The following ENTPD1 variants were observed in gnomAD, a reference collection of about 807,000 sequenced individuals.
ENTPD1 encodes the protein ATP diphosphohydrolase.
In ENTPD1, 33 loss-of-function variants were observed where a neutral mutation model predicts 57.0. That is an observed-to-expected ratio of 0.58 (90% confidence interval 0.44 to 0.77). The LOEUF (loss-of-function observed/expected upper bound fraction) is 0.77, where lower values mean the gene tolerates loss of function less well. Ranked by LOEUF, ENTPD1 falls within the 30% of genes least tolerant of loss-of-function variation. The pLI, the probability that ENTPD1 is intolerant of heterozygous loss-of-function variation, is 0.00. For synonymous variants in ENTPD1, 202 were observed against 218.8 expected (o/e 0.92, Z 0.68); for missense variants, 501 against 603.4 (o/e 0.83, Z 1.78).
At chr10:95,778,480 G>T (rs2098142906) in intron 1 of ENTPD1, among the ~76,000 whole-genome samples, 1 of 151,346 alleles carries the variant, frequency 6.6e-6, no homozygotes, top group Non-Finnish European at 1.5e-5. Flanking sequence ...ATACCTAAAA[G>T]ATTTTTTTCT....
At chr10:95,716,936 A>C (rs925344704) in intron 1 of ENTPD1, among the ~76,000 whole-genome samples, 7 of 152,178 alleles carry the variant, frequency 4.6e-5, no homozygotes, top group African/African-American at 1.7e-4. Context: ...GTGACCATAG[A>C]GTGGTACTGT....
intron 2 of ENTPD1, chr10:95,833,744 T>C (rs1316050756): frequency 2.6e-5 from 4 of 153,306 alleles, no homozygotes; most frequent in Non-Finnish European, 5.9e-5. Context: ...ATCAAGGTGC[T>C]GGCAGGCTTG....
intron 1 of ENTPD1, among the ~76,000 whole-genome samples, chr10:95,789,345 A>G (rs1044693095): frequency 1.3e-5 from 2 of 152,228 alleles, no homozygotes; most frequent in African/African-American, 4.8e-5. Flanking sequence ...AAAGTCTTAA[A>G]TATGGAAGAT....
At chr10:95,781,212 T>C (rs2098156234) in intron 1 of ENTPD1, among the ~76,000 whole-genome samples, 1 of 152,052 alleles carries the variant, frequency 6.6e-6, no homozygotes, top group African/African-American at 2.4e-5. Context: ...ATTAAAATAA[T>C]TGAACTGAGA....
chr10:95,695,148 C>T, the ENTPD1 span, among the ~76,000 whole-genome samples: 1 of 152,068 alleles, frequency 6.6e-6, no homozygotes, highest in Non-Finnish European at 1.5e-5. Flanking sequence ...AAGTGACCCT[C>T]CCGCCTTGGC....
At chr10:95,725,302 T>G (rs574246928) in intron 1 of ENTPD1, among the ~76,000 whole-genome samples, 1 of 152,324 alleles carries the variant, frequency 6.6e-6, no homozygotes, top group Admixed American at 6.5e-5. Context: ...TCTTGAAATC[T>G]CTGCTAAATC....
upstream of ENTPD1, among the ~76,000 whole-genome samples, chr10:95,707,121 C>A (rs1166777838): frequency 2.1e-4 from 32 of 152,194 alleles, no homozygotes; most frequent in Admixed American, 2.1e-3. Flanking sequence ...CCCGCTTGTT[C>A]CCAACTCCTG....
chr10:95,811,579 G>C (rs1331457904), intron 1 of ENTPD1, among the ~76,000 whole-genome samples: 1 of 152,036 alleles, frequency 6.6e-6, no homozygotes, highest in Non-Finnish European at 1.5e-5. Context: ...GTAGAGATAG[G>C]GTCTCTCCCT....
intron 1 of ENTPD1, among the ~76,000 whole-genome samples, chr10:95,804,882 G>T (rs1159943191): frequency 2.0e-5 from 3 of 152,130 alleles, no homozygotes; most frequent in Admixed American, 2.0e-4. Context: ...AGAGTTTTCA[G>T]CATGAAGGTC....
chr10:95,781,266 G>A (rs942680565), intron 1 of ENTPD1, among the ~76,000 whole-genome samples: 1 of 152,060 alleles, frequency 6.6e-6, no homozygotes, highest in Non-Finnish European at 1.5e-5. Flanking sequence ...GGGTAGTGGG[G>A]GCTGGGTAGA....
intron 1 of ENTPD1, among the ~76,000 whole-genome samples, chr10:95,812,277 A>T (rs1197519056): frequency 1.3e-5 from 2 of 152,136 alleles, no homozygotes; most frequent in Non-Finnish European, 2.9e-5. Context: ...TTGCCTACTG[A>T]TCTAATTTCT....
rs532877532 is a variant in ENTPD1 at position 95,758,999 on chromosome 10, G to A, written c.16+2744G>A. Among the ~76,000 whole-genome samples the A allele has an allele frequency of 4.6e-5, 7 of 152,308 alleles. No individual in the cohort carries two copies. The South Asian group carries it at 1.4e-3, about 32-fold the overall frequency. ...TCTTGAATTTGGTGTTCCTCTCAGA[G>A]AACATCCCAAGCTTTCCTTAGAAGG... On this transcript the variant is annotated intron_variant, in intron 1 of 9. Transcript: ENST00000371205.
intron 1 of ENTPD1, among the ~76,000 whole-genome samples, chr10:95,770,479 G>C (rs1047082166): frequency 6.6e-6 from 1 of 152,180 alleles, no homozygotes; most frequent in African/African-American, 2.4e-5. Flanking sequence ...GGTAGAGGAA[G>C]TCTTTTAGGG....
intron 1 of ENTPD1, among the ~76,000 whole-genome samples, chr10:95,748,054 T>C (rs1205511985): frequency 1.3e-5 from 2 of 152,062 alleles, no homozygotes; most frequent in Non-Finnish European, 2.9e-5. Flanking sequence ...TTTGTATTTT[T>C]AGTAGAGACG....
intron 1 of ENTPD1, among the ~76,000 whole-genome samples, chr10:95,757,063 G>A (rs1252517890): frequency 6.6e-6 from 1 of 152,230 alleles, no homozygotes; most frequent in Non-Finnish European, 1.5e-5. Flanking sequence ...CTCTGCAGCA[G>A]TGAGGGAGTA....
At chr10:95,748,633 T>C (rs538579293) in intron 1 of ENTPD1, among the ~76,000 whole-genome samples, 1 of 152,372 alleles carries the variant, frequency 6.6e-6, no homozygotes, top group East Asian at 1.9e-4. Flanking sequence ...CTATCATACC[T>C]TAAAAGTTAA....
chr10:95,758,277 A>G (rs1244013382), intron 1 of ENTPD1, among the ~76,000 whole-genome samples: 1 of 152,156 alleles, frequency 6.6e-6, no homozygotes, highest in Admixed American at 6.5e-5. Flanking sequence ...TTTCAGCTCC[A>G]CCATTTACTG....
At chr10:95,788,407 A>C (rs1323703987) in intron 1 of ENTPD1, among the ~76,000 whole-genome samples, 1 of 152,160 alleles carries the variant, frequency 6.6e-6, no homozygotes, top group Non-Finnish European at 1.5e-5. Context: ...ATTTGAGGTC[A>C]GGAGTTCGAG....
chr10:95,717,745 CTT>C (rs1250340399), intron 1 of ENTPD1, among the ~76,000 whole-genome samples: 1 of 152,174 alleles, frequency 6.6e-6, no homozygotes, highest in Non-Finnish European at 1.5e-5. Flanking sequence ...GACAACCGCT[CTT>C]AACTGCTTCC....
Sources: allele counts gnomAD v4.1 joint callset (sites outside exome capture counted in the v4.1 genomes callset), GRCh38; gene constraint gnomAD v4.1.1; transcripts MANE v1.5; gene names NCBI Gene and HGNC (gene_info 2026-07-23, HGNC 2026-07-21).